Variants in CD70 observed in about 807,000 individuals in gnomAD.
CD70 encodes the protein CD70 antigen.
Under a neutral mutation model 9.0 loss-of-function variants are expected in CD70, and 6 were observed. The ratio of observed to expected loss-of-function variants is 0.67; its 90% CI spans 0.37 to 1.32. The LOEUF (loss-of-function observed/expected upper bound fraction) is 1.32. Ranked by LOEUF, CD70 falls within the 40% of genes most tolerant of loss-of-function variation. The pLI is 0.02. For missense variants in CD70, 235 were observed against 258.7 expected (o/e 0.91, Z 0.63); for synonymous variants, 108 against 112.3 (o/e 0.96, Z 0.24).
intron 2 of CD70, among the ~76,000 whole-genome samples, chr19:6,586,961 G>T (rs1916033751): frequency 6.7e-6 from 1 of 149,592 alleles, no homozygotes. Context: ...GGGAGGGAGA[G>T]ATATATAGAG....
Position 6,591,112 on chromosome 19 carries a change from C to A in CD70, c.-110G>T, listed in dbSNP as rs1056143644. The A allele has an allele frequency of 3.3e-6, 4 of 1,223,316 alleles. No homozygotes were observed. Among genetic ancestry groups the A allele is most frequent in the Non-Finnish European group, 3.3e-6 (3 of 907,602 alleles). The allele number at this position is 1,223,316 out of a possible 1,614,324, so 75.8% of individuals were successfully genotyped here. ...CCCTCCCGGGGCTCCTGGGCGTCTACTTGCTTCAACCTGTCAGGGGACCAG... is the reference window on the plus strand; with the variant it reads ...CCCTCCCGGGGCTCCTGGGCGTCTAATTGCTTCAACCTGTCAGGGGACCAG... On this transcript the variant is annotated 5_prime_UTR_variant, in exon 1 of 3. Coordinates refer to ENST00000245903, the MANE Select transcript of CD70 (RefSeq NM_001252.5).
intron 2 of CD70, among the ~76,000 whole-genome samples, chr19:6,589,828 T>C (rs1916113435): frequency 1.5e-5 from 1 of 68,088 alleles, no homozygotes; most frequent in Non-Finnish European, 3.4e-5. Context: ...CCCTGTTTCT[T>C]TCTTTCCCCT....
rs777879588 is a variant in CD70 at position 6,586,369 on chromosome 19, C to T, written c.233G>A (p.Gly78Asp). The change falls in exon 3 of 3, where the codon GGC (glycine) becomes GAC (aspartate). Residue 78 changes from glycine (G) to aspartate (D), a missense_variant. Coordinates refer to ENST00000245903, the MANE Select transcript of CD70 (RefSeq NM_001252.5). ...QQDPRLYWQG[G>D]PALGRSFLHG... is the part of the protein sequence containing the mutation. ...CAGGAAGGAGCGGCCCAGTGCTGGG[C>T]CCCCCTGCCAGTATAGCCTGGGGTC... is the stretch of plus-strand genomic sequence containing the variant. 4 of 1,611,960 alleles carry T rather than the reference C, an allele frequency of 2.5e-6. No individual in the cohort carries two copies. Among genetic ancestry groups the T allele is most frequent in the South Asian group, 1.1e-5 (1 of 90,986 alleles).
At chr19:6,582,506 C>G (rs940048530), downstream of CD70, among the ~76,000 whole-genome samples, 1 of 151,452 alleles carries the variant, frequency 6.6e-6, no homozygotes, top group South Asian at 2.1e-4. Flanking sequence ...CCCTCCCCCC[C>G]TCCCCCGACT....
At chr19:6,583,683 C>A (rs1915961586), downstream of CD70, among the ~76,000 whole-genome samples, 1 of 151,236 alleles carries the variant, frequency 6.6e-6, no homozygotes, top group Admixed American at 6.6e-5. Context: ...CTCAGCCTCC[C>A]TAGTAGCATG....
rs1916007613 is a variant in CD70 at position 6,586,032 on chromosome 19, C to T, written c.570G>A (p.Trp190Ter). The T allele has an allele frequency of 6.2e-7, 1 of 1,611,308 alleles. No homozygotes were observed. Among genetic ancestry groups the T allele is most frequent in the Admixed American group, 1.7e-5 (1 of 59,888 alleles). ...NTDETFFGVQ[W>*]VRP Reference sequence around the variant, plus strand: ...TCAGCAGCAGTGGTCAGGGGCGCACCCACTGCACTCCAAAGAAGGTCTCAT... The same window carrying T: ...TCAGCAGCAGTGGTCAGGGGCGCACTCACTGCACTCCAAAGAAGGTCTCAT... Residue 190 changes from tryptophan (W) to a stop codon, truncating the protein, a stop_gained, in exon 3 of 3, where the codon TGG becomes TGA. Transcript: ENST00000245903. LOFTEE classifies it high-confidence loss of function.
chr19:6,583,270 TTACAAAA>T, downstream of CD70: 2 of 661,872 alleles, frequency 3.0e-6, no homozygotes, highest in South Asian at 3.3e-5. Flanking sequence ...GTTCCAGCTG[TTACAAAA>T]CCAGTAACTT....
chr19:6,582,092 C>T (rs376583918), downstream of CD70, among the ~76,000 whole-genome samples: 22 of 150,230 alleles, frequency 1.5e-4, no homozygotes, highest in East Asian at 3.9e-3. Flanking sequence ...TACAGTGGCT[C>T]GATCTCGGCT....
At chr19:6,584,099 C>T (rs1194101192), downstream of CD70, among the ~76,000 whole-genome samples, 6 of 136,338 alleles carry the variant, frequency 4.4e-5, 1 homozygote, top group Non-Finnish European at 7.8e-5. Flanking sequence ...GGCCTGTAGT[C>T]TTGATTTTTA....
Position 6,586,409 on chromosome 19 carries a change from G to A in CD70, c.197-4C>T, listed in dbSNP as rs1916019340. The A allele has an allele frequency of 6.2e-7, 1 of 1,604,258 alleles. No individual in the cohort carries two copies. The highest frequency in any genetic ancestry group is 1.1e-5 in the South Asian group (1 of 90,302). On this transcript the variant is annotated splice_polypyrimidine_tract_variant and splice_region_variant and intron_variant, in intron 2 of 2. Transcript: ENST00000245903. The stretch of plus-strand genomic sequence containing the variant: ...AGCCTGGGGTCCTGCTGAGGTCCTG[G>A]GGGCACAGGGTTAGAGGGATGAGAG...
At chr19:6,585,540 C>G (rs560861022), downstream of CD70, among the ~76,000 whole-genome samples, 4 of 150,908 alleles carry the variant, frequency 2.7e-5, no homozygotes, top group Admixed American at 2.6e-4. Context: ...GGGGGTCTCA[C>G]TATGTTGCCC....
In CD70 at chr19:6,586,050, G is replaced by A. The variant is rs775892959; in HGVS notation, c.552C>T (p.Thr184=). The A allele has an allele frequency of 6.2e-7, 1 of 1,613,818 alleles. No homozygotes were observed. The highest frequency in any genetic ancestry group is 1.1e-5 in the South Asian group (1 of 91,070). Residue 184 remains threonine, a synonymous_variant, in exon 3 of 3, where the codon ACC becomes ACT. Coordinates refer to ENST00000245903, the MANE Select transcript of CD70 (RefSeq NM_001252.5). ...GGCGCACCCACTGCACTCCAAAGAA[G>A]GTCTCATCAGTGTTTCGGGAAGGCA... is the stretch of plus-strand genomic sequence containing the variant. ...TLLPSRNTDE[T]FFGVQWVRP is the part of the protein sequence containing the mutation.
Position 6,590,063 on chromosome 19 carries a change from G to A in CD70, c.196+40C>T, listed in dbSNP as rs377753921. 3 of 1,565,824 alleles carry A rather than the reference G, an allele frequency of 1.9e-6. No individual in the cohort carries two copies. Among genetic ancestry groups the A allele is most frequent in the African/African-American group, 2.7e-5 (2 of 73,448 alleles). On this transcript the variant is annotated intron_variant, in intron 2 of 2. Transcript: ENST00000245903. This position sits in a 1 kb window ranked among gnomAD's most constrained non-coding sequence, Gnocchi z 5.3. ...TACCTCTCCTTCCTTCTCTCTCTGT[G>A]CCTCTTCTTCTCCCCGTCCCTCCAC...
At chr19:6,583,649 C>T (rs191880406), downstream of CD70, among the ~76,000 whole-genome samples, 3 of 151,374 alleles carry the variant, frequency 2.0e-5, no homozygotes, top group East Asian at 5.8e-4. Context: ...ATCTCCACCT[C>T]CTGAGTTCAA....
At chr19:6,587,419 A>AGT (rs1249704829) in intron 2 of CD70, among the ~76,000 whole-genome samples, 1 of 151,398 alleles carries the variant, frequency 6.6e-6, no homozygotes, top group Non-Finnish European at 1.5e-5. Flanking sequence ...TGCATGGGAG[A>AGT]GTGTGTGTGT....
chr19:6,589,184 T>TC (rs1399971635), intron 2 of CD70, among the ~76,000 whole-genome samples: 2 of 150,598 alleles, frequency 1.3e-5, no homozygotes, highest in Non-Finnish European at 3.0e-5. Context: ...TTTTTCTTCT[T>TC]CCCCCTCTCT....
At chr19:6,585,705 T>G (rs1915999278), downstream of CD70, 1 of 258,536 alleles carries the variant, frequency 3.9e-6, no homozygotes, top group Non-Finnish European at 7.5e-6. Flanking sequence ...GACAGAGTCT[T>G]GCTCTGTTGC....
At position 6,590,979 on chromosome 19, in the gene CD70, G is replaced by A. The variant is rs1367607751; in HGVS notation, c.24C>T (p.Cys8=). 3.1e-6 allele frequency: 5 copies of A among 1,611,220 alleles called. No homozygotes were observed. Among genetic ancestry groups the A allele is most frequent in the Non-Finnish European group, 4.2e-6 (5 of 1,178,494 alleles). Residue 8 remains cysteine, a synonymous_variant, in exon 1 of 3, where the codon TGC becomes TGT. Transcript: ENST00000245903. This position sits in a 1 kb window ranked among gnomAD's most constrained non-coding sequence, Gnocchi z 5.3. MPEEGSG[C]SVRRRPYGCV... ...ACCCATAGGGCCTGCGCCGCACCGA[G>A]CAGCCCGAACCCTCCTCCGGCATCG...
chr19:6,585,515 A>AT (rs1915996000), downstream of CD70, among the ~76,000 whole-genome samples: 1 of 149,580 alleles, frequency 6.7e-6, no homozygotes, highest in Non-Finnish European at 1.5e-5. Flanking sequence ...TAATTTTTGT[A>AT]TTTTTTGTAG....
Sources: gnomAD v4.1 joint callset for allele counts (sites outside exome capture counted in the v4.1 genomes callset) on GRCh38, gnomAD v4.1.1 for gene constraint, Gnocchi (gnomAD v3.1) non-coding constraint, MANE v1.5 for transcripts, NCBI Gene and HGNC (gene_info 2026-07-23, HGNC 2026-07-21) for gene names.